The following LCE2B variants were observed in gnomAD, a reference collection of about 807,000 sequenced individuals.
LCE2B encodes the protein late cornified envelope protein 2B.
For synonymous variants in LCE2B, 69 were observed against 52.0 expected (o/e 1.33, Z -1.40); for missense variants, 175 against 141.6 (o/e 1.24, Z -1.20).
At position 152,687,001 on chromosome 1, in the gene LCE2B, G is replaced by T. The variant is rs1413023732; in HGVS notation, c.158G>T (p.Gly53Val). The T allele has an allele frequency of 6.2e-7, 1 of 1,612,724 alleles. No individual in the cohort carries two copies. Among genetic ancestry groups the T allele is most frequent in the African/African-American group, 1.3e-5 (1 of 74,832 alleles). Residue 53 changes from glycine (G) to valine (V), a missense_variant, in exon 2 of 2, where the codon GGG (glycine) becomes GTG (valine). By Grantham distance (109) the Gly-to-Val change is moderately radical. Transcript: ENST00000368780. ...AVSSCCGPISGGCCGPSSGGC... is the reference protein window; with the variant it reads ...AVSSCCGPISVGCCGPSSGGC... ...TCTTCTTGCTGTGGTCCCATCTCTG[G>T]GGGCTGCTGTGGTCCCAGCTCTGGG...
In LCE2B at chr1:152,687,024, G is replaced by A; in HGVS notation, c.181G>A (p.Gly61Arg). ...ISGGCCGPSS[G>R]GCCNSGAGGC... is the part of the protein sequence containing the mutation. ...TGGGGGCTGCTGTGGTCCCAGCTCT[G>A]GGGGCTGCTGCAACTCTGGGGCTGG... The change falls in exon 2 of 2, where the codon GGG (glycine) becomes AGG (arginine). Residue 61 changes from glycine (G) to arginine (R), a missense_variant. Coordinates refer to ENST00000368780, the MANE Select transcript of LCE2B (RefSeq NM_014357.5). 1 of 1,613,750 alleles carries A rather than the reference G, an allele frequency of 6.2e-7. No homozygotes were observed. Among genetic ancestry groups the A allele is most frequent in the Non-Finnish European group, 8.5e-7 (1 of 1,179,934 alleles).
In LCE2B at chr1:152,686,994, A is replaced by G; in HGVS notation, c.151A>G (p.Ile51Val). 1.2e-6 allele frequency: 2 copies of G among 1,612,736 alleles called. No individual in the cohort carries two copies. Among genetic ancestry groups the G allele is most frequent in the Non-Finnish European group, 1.7e-6 (2 of 1,179,412 alleles). ...TGCAGTCTCTTCTTGCTGTGGTCCC[A>G]TCTCTGGGGGCTGCTGTGGTCCCAG... ...SPAVSSCCGPISGGCCGPSSG... is the reference protein window; with the variant it reads ...SPAVSSCCGPVSGGCCGPSSG... Residue 51 changes from isoleucine to valine, a missense_variant, in exon 2 of 2, where the codon ATC becomes GTC. Coordinates refer to ENST00000368780, the MANE Select transcript of LCE2B (RefSeq NM_014357.5).
rs762830124 is a variant in LCE2B at position 152,687,008 on chromosome 1, C to T, written c.165C>T (p.Cys55=). 6.2e-7 allele frequency: 1 copy of T among 1,613,820 alleles called. No individual in the cohort carries two copies. Among genetic ancestry groups the T allele is most frequent in the Non-Finnish European group, 8.5e-7 (1 of 1,179,828 alleles). ...GCTGTGGTCCCATCTCTGGGGGCTG[C>T]TGTGGTCCCAGCTCTGGGGGCTGCT... ...SSCCGPISGG[C]CGPSSGGCCN... is the part of the protein sequence containing the mutation. Residue 55 remains cysteine (C), a synonymous_variant, in exon 2 of 2, where the codon TGC becomes TGT. Coordinates refer to ENST00000368780, the MANE Select transcript of LCE2B (RefSeq NM_014357.5).
chr1:152,686,314 C>T (rs1055125406), intron 1 of LCE2B, among the ~76,000 whole-genome samples, 158 bp downstream of exon 1: 7 of 151,954 alleles, frequency 4.6e-5, no homozygotes, highest in African/African-American at 1.7e-4. Flanking sequence ...TGAGGCCTAC[C>T]GGAGGTCGTA....
At chr1:152,686,459 A>G (rs1179856478) in intron 1 of LCE2B, among the ~76,000 whole-genome samples, 1 of 149,936 alleles carries the variant, frequency 6.7e-6, no homozygotes, top group Non-Finnish European at 1.5e-5. Context: ...AGGCTCTTTT[A>G]TCTGGAGGTT....
In LCE2B at chr1:152,687,099, C is replaced by A. The variant is rs1453320099; in HGVS notation, c.256C>A (p.His86Asn). ...HRPRLFHRRR[H>N]QSPDCCESEP... ...GCCCCGTCTCTTCCACCGGCGCCGG[C>A]ACCAGAGCCCCGACTGCTGTGAGAG... is the stretch of plus-strand genomic sequence containing the variant. Residue 86 changes from histidine (H) to asparagine (N), a missense_variant, in exon 2 of 2, where the codon CAC becomes AAC. Coordinates refer to ENST00000368780, the MANE Select transcript of LCE2B (RefSeq NM_014357.5). The A allele has an allele frequency of 1.2e-6, 2 of 1,613,650 alleles. No homozygotes were observed. The highest frequency in any genetic ancestry group is 1.3e-5 in the African/African-American group (1 of 74,776).
At position 152,687,097 on chromosome 1, in the gene LCE2B, G is replaced by C. The variant is rs747416050; in HGVS notation, c.254G>C (p.Arg85Pro). The change falls in exon 2 of 2, where the codon CGG becomes CCG. Residue 85 changes from arginine to proline, a missense_variant. Physicochemically the swap from Arg to Pro is moderately radical, Grantham distance 103 (BLOSUM62 -2). Coordinates refer to ENST00000368780, the MANE Select transcript of LCE2B (RefSeq NM_014357.5). Reference protein sequence around the residue: ...HHRPRLFHRRRHQSPDCCESE... With the variant: ...HHRPRLFHRRPHQSPDCCESE... ...AGGCCCCGTCTCTTCCACCGGCGCC[G>C]GCACCAGAGCCCCGACTGCTGTGAG... 6.2e-7 allele frequency: 1 copy of C among 1,613,542 alleles called. No individual in the cohort carries two copies. The highest frequency in any genetic ancestry group is 8.5e-7 in the Non-Finnish European group (1 of 1,179,950).
At position 152,687,025 on chromosome 1, in the gene LCE2B, G is replaced by T. The variant is rs1448185046; in HGVS notation, c.182G>T (p.Gly61Val). Reference protein sequence around the residue: ...ISGGCCGPSSGGCCNSGAGGC... With the variant: ...ISGGCCGPSSVGCCNSGAGGC... ...GGGGGCTGCTGTGGTCCCAGCTCTGGGGGCTGCTGCAACTCTGGGGCTGGT... is the reference window on the plus strand; with the variant it reads ...GGGGGCTGCTGTGGTCCCAGCTCTGTGGGCTGCTGCAACTCTGGGGCTGGT... Residue 61 changes from glycine (G) to valine (V), a missense_variant, in exon 2 of 2, where the codon GGG (glycine) becomes GTG (valine). By Grantham distance (109) the Gly-to-Val change is moderately radical. Coordinates refer to ENST00000368780, the MANE Select transcript of LCE2B (RefSeq NM_014357.5). 1.2e-6 allele frequency: 2 copies of T among 1,613,840 alleles called. No homozygotes were observed. Among genetic ancestry groups the T allele is most frequent in the Non-Finnish European group, 1.7e-6 (2 of 1,180,016 alleles).
intron 1 of LCE2B, 71 bp from the exon 2 acceptor site, chr1:152,686,753 A>G (rs2101512362): frequency 6.6e-7 from 1 of 1,512,588 alleles, no homozygotes; most frequent in South Asian, 1.3e-5. Context: ...CTACACATGC[A>G]TTGATTTTAG....
rs758676750 is a variant in LCE2B at position 152,687,051 on chromosome 1, G to A, written c.208G>A (p.Gly70Ser). The A allele has an allele frequency of 6.2e-7, 1 of 1,613,478 alleles. No homozygotes were observed. The highest frequency in any genetic ancestry group is 8.5e-7 in the Non-Finnish European group (1 of 1,179,928). ...GGGCTGCTGCAACTCTGGGGCTGGT[G>A]GCTGCTGCCTGAGCCACCACAGGCC... ...SGGCCNSGAG[G>S]CCLSHHRPRL... The change falls in exon 2 of 2, where the codon GGC (glycine) becomes AGC (serine). Residue 70 changes from glycine (G) to serine (S), a missense_variant. Transcript: ENST00000368780.
rs780634136 is a variant in LCE2B at position 152,686,905 on chromosome 1, C to T, written c.62C>T (p.Thr21Ile). Residue 21 changes from threonine (T) to isoleucine (I), a missense_variant, in exon 2 of 2, where the codon ACC (threonine) becomes ATC (isoleucine). By Grantham distance (89) the Thr-to-Ile change is moderately conservative. Coordinates refer to ENST00000368780, the MANE Select transcript of LCE2B (RefSeq NM_014357.5). The part of the protein sequence containing the change: ...QPPPKCPPKC[T>I]PKCPPKCPPK... Reference sequence around the variant, plus strand: ...CCTCCCAAGTGTCCTCCCAAGTGTACCCCAAAATGTCCACCTAAGTGTCCC... The same window carrying T: ...CCTCCCAAGTGTCCTCCCAAGTGTATCCCAAAATGTCCACCTAAGTGTCCC... The T allele has an allele frequency of 2.5e-6, 4 of 1,614,030 alleles. No homozygotes were observed. Among genetic ancestry groups the T allele is most frequent in the South Asian group, 1.1e-5 (1 of 91,070 alleles).
In LCE2B at chr1:152,686,264, G is replaced by C. The variant is rs149811948; in HGVS notation, c.-21+108G>C. On this transcript the variant is annotated intron_variant, in intron 1 of 1. Transcript: ENST00000368780. ...TGTGCTTGTGTTCTGCCATACTGAG[G>C]AGGAATGGGACTCAGTCTGCCTCGA... The C allele has an allele frequency of 6.4e-3, 979 of 153,936 alleles. 13 individuals carry two copies. Among genetic ancestry groups the C allele is most frequent in the Admixed American group, 0.023 (343 of 15,008 alleles). The allele number at this position is 153,936 out of a possible 1,614,324, so 9.5% of individuals were successfully genotyped here.
chr1:152,686,796 T>C (rs1328751149), intron 1 of LCE2B, 28 bp from the exon 2 acceptor site: 5 of 1,603,172 alleles, frequency 3.1e-6, no homozygotes, highest in Non-Finnish European at 4.3e-6. Flanking sequence ...GTTTGAAATA[T>C]TTAAAGAGTT....
intron 1 of LCE2B, among the ~76,000 whole-genome samples, chr1:152,686,472 A>G (rs564388148): frequency 2.7e-4 from 40 of 146,298 alleles, no homozygotes; most frequent in African/African-American, 1.0e-3. Context: ...TGGAGGTTTC[A>G]TTGCAAAATC....
At position 152,687,315 on chromosome 1, in the gene LCE2B, T is replaced by C; in HGVS notation, c.*139T>C. The stretch of plus-strand genomic sequence containing the variant: ...CTCATGGGGCTTCCCTGGGAGAACT[T>C]TGCACTTGATGGAGCACCTCAATTG... On this transcript the variant is annotated 3_prime_UTR_variant, in exon 2 of 2. Transcript: ENST00000368780. 1 of 1,252,394 alleles carries C rather than the reference T, an allele frequency of 8.0e-7. No individual in the cohort carries two copies. Among genetic ancestry groups the C allele is most frequent in the African/African-American group, 1.5e-5 (1 of 65,856 alleles). The allele number at this position is 1,252,394 out of a possible 1,614,324, so 77.6% of individuals were successfully genotyped here. A position where few individuals can be genotyped will look rare whatever the true frequency, so the allele number is the denominator to read the frequency against.
At position 152,687,371 on chromosome 1, in the gene LCE2B, T is replaced by G. The variant is rs561204818; in HGVS notation, c.*195T>G. On this transcript the variant is annotated 3_prime_UTR_variant, in exon 2 of 2. Transcript: ENST00000368780. Reference sequence around the variant, plus strand: ...TTTGTTTTCCTCCTTTACCTCATGTTATAATAAAGCTCTGATTTCTGACTC... The same window carrying G: ...TTTGTTTTCCTCCTTTACCTCATGTGATAATAAAGCTCTGATTTCTGACTC... 7.4e-5 allele frequency: 54 copies of G among 733,302 alleles called. No individual in the cohort carries two copies. The highest frequency in any genetic ancestry group is 1.2e-4 in the Non-Finnish European group (54 of 457,690). 45.4% of individuals were successfully genotyped at this position (733,302 alleles called of 1,614,324 possible).
Position 152,687,343 on chromosome 1 carries a change from G to T in LCE2B, c.*167G>T, listed in dbSNP as rs1184788357. ...CACTTGATGGAGCACCTCAATTGCA[G>T]GTTTTGTTTTCCTCCTTTACCTCAT... On this transcript the variant is annotated 3_prime_UTR_variant, in exon 2 of 2. Transcript: ENST00000368780. The T allele has an allele frequency of 1.2e-5, 11 of 948,676 alleles. No homozygotes were observed. The highest frequency in any genetic ancestry group is 1.5e-6 in the Non-Finnish European group (1 of 649,676). The allele number at this position is 948,676 out of a possible 1,614,324, so 58.8% of individuals were successfully genotyped here.
At chr1:152,686,696 C>T (rs1649143562) in intron 1 of LCE2B, 128 bp from the exon 2 acceptor site, 2 of 1,295,180 alleles carry the variant, frequency 1.5e-6, no homozygotes, top group Non-Finnish European at 2.1e-6. Context: ...CAAGTTGTTT[C>T]TTTCAGGTTA....
At position 152,686,878 on chromosome 1, in the gene LCE2B, C is replaced by T. The variant is rs202053362; in HGVS notation, c.35C>T (p.Pro12Leu). 8 of 1,614,132 alleles carry T rather than the reference C, an allele frequency of 5.0e-6. No homozygotes were observed. In the East Asian group the frequency reaches 8.9e-5, roughly 18 times the overall value. The stretch of plus-strand genomic sequence containing the variant: ...CAGCAAAACCAGCAGCAGTGCCAGC[C>T]CCCTCCCAAGTGTCCTCCCAAGTGT... ...SCQQNQQQCQPPPKCPPKCTP... is the reference protein window; with the variant it reads ...SCQQNQQQCQLPPKCPPKCTP... The change falls in exon 2 of 2, where the codon CCC becomes CTC. Residue 12 changes from proline to leucine, a missense_variant. Transcript: ENST00000368780.
Sources: allele counts gnomAD v4.1 joint callset (sites outside exome capture counted in the v4.1 genomes callset), GRCh38; gene constraint gnomAD v4.1.1; transcripts MANE v1.5; gene names NCBI Gene and HGNC (gene_info 2026-07-23, HGNC 2026-07-21).